CASP10: variants seen among roughly 807,000 people sequenced by gnomAD.
The protein encoded by CASP10 is caspase 10.
CASP10 carries 41 observed loss-of-function variants against 48.5 expected under a neutral mutation model. The observed-to-expected ratio is 0.85, with a 90% CI of 0.66 to 1.10. The LOEUF (loss-of-function observed/expected upper bound fraction) is 1.10. Among genes scored for constraint, CASP10 ranks in the 50% least tolerant of loss-of-function variants. The pLI is 0.00. For synonymous variants in CASP10, 232 were observed against 238.4 expected, an observed-to-expected ratio of 0.97 and a Z score of 0.25; for missense variants, 614 against 614.5, an observed-to-expected ratio of 1.00 and a Z score of 0.01.
intron 3 of CASP10, 86 bp downstream of exon 3, chr2:201,187,885 T>A: frequency 1.0e-6 from 1 of 965,882 alleles, no homozygotes; most frequent in Non-Finnish European, 1.7e-6. Flanking sequence ...TTAGGGAGAT[T>A]TATTTTTTAT....
intron 9 of CASP10, among the ~76,000 whole-genome samples, chr2:201,215,211 GTTTTTTTTTT>G (rs10616229): frequency 3.0e-4 from 9 of 29,914 alleles, no homozygotes; most frequent in African/African-American, 9.0e-4. Flanking sequence ...TCTTCCCTCG[GTTTTTTTTTT>G]TTTTTTTTTT....
intron 5 of CASP10, chr2:201,200,437 C>T: frequency 1.3e-6 from 2 of 1,598,014 alleles, no homozygotes; most frequent in African/African-American, 1.3e-5. Context: ...CCTCCTTTCT[C>T]CCCAGGAAGG....
At position 201,185,631 on chromosome 2, in the gene CASP10, G is replaced by A. The variant is rs372378041; in HGVS notation, c.-7-140G>A. ...TGTTGCTTTTTGAAGTAGCCTCGCC[G>A]TAATTTTTATTTTTCAGCACTTCTA... On this transcript the variant is annotated intron_variant, in intron 1 of 9. Transcript: ENST00000286186. 223 of 677,756 alleles carry A rather than the reference G, an allele frequency of 3.3e-4. 2 individuals carry two copies. Among genetic ancestry groups the A allele is most frequent in the South Asian group, 3.0e-3 (178 of 59,230 alleles). The allele number at this position is 677,756 out of a possible 1,614,324, so 42.0% of individuals were successfully genotyped here.
rs1945681427 is a variant in CASP10, at chr2:201,219,999, AAC to A, written c.*2260_*2261del. 1.1e-5 allele frequency: 11 copies of A among 985,340 alleles called. No individual in the cohort carries two copies. The highest frequency in any genetic ancestry group is 1.7e-5 in the African/African-American group (1 of 57,246). 61.0% of individuals were successfully genotyped at this position (985,340 alleles called of 1,614,324 possible). Reference sequence around the variant, plus strand: ...CATAAAAAAATGTCAAGGAATGAAGAACAACAACTCTCAGTGGTGCCTGCATT... The same window carrying A: ...CATAAAAAAATGTCAAGGAATGAAGAAACAACTCTCAGTGGTGCCTGCATT... On this transcript the variant is annotated 3_prime_UTR_variant, in exon 10 of 10. Transcript: ENST00000286186.
intron 4 of CASP10, 107 bp downstream of exon 4, chr2:201,193,226 C>CCTCAAA: frequency 8.5e-7 from 1 of 1,178,710 alleles, no homozygotes; most frequent in Non-Finnish European, 1.2e-6. Flanking sequence ...TGTTTTGAGG[C>CCTCAAA]AGAGTCTCAC....
chr2:201,218,094 T>C lies in CASP10; in HGVS notation c.*353T>C, dbSNP rs535718566. 1.3e-6 allele frequency: 1 copy of C among 762,978 alleles called. No homozygotes were observed. The highest frequency in any genetic ancestry group is 7.5e-5 in the East Asian group (1 of 13,252). The allele number at this position is 762,978 out of a possible 1,614,324, so 47.3% of individuals were successfully genotyped here. ...GTGCCCGGATTTTTTTTATTCTTTA[T>C]TTTTTGTAGAGATGGAGGGATCTCA... is the stretch of plus-strand genomic sequence containing the variant. On this transcript the variant is annotated 3_prime_UTR_variant, in exon 10 of 10. Transcript: ENST00000286186.
Position 201,220,728 on chromosome 2 carries a change from T to G in CASP10, c.*2987T>G, listed in dbSNP as rs778352353. ...ACCTTTCATGTTTCTTTCCTCTTTC[T>G]TTAATTCTTACACATGTGTCAGGAT... On this transcript the variant is annotated 3_prime_UTR_variant, in exon 10 of 10. Transcript: ENST00000286186. The G allele has an allele frequency of 1.2e-5, 12 of 985,096 alleles. No homozygotes were observed. Among genetic ancestry groups the G allele is most frequent in the Non-Finnish European group, 1.4e-5 (12 of 829,584 alleles). 61.0% of individuals were successfully genotyped at this position (985,096 alleles called of 1,614,324 possible).
chr2:201,187,620 A>G, intron 2 of CASP10, 86 bp from the exon 3 acceptor site: 2 of 973,386 alleles, frequency 2.1e-6, no homozygotes, highest in Non-Finnish European at 3.4e-6. Flanking sequence ...TTCAAATGAC[A>G]GAAAACATTT....
intron 9 of CASP10, among the ~76,000 whole-genome samples, chr2:201,211,241 A>G (rs1338945263): frequency 6.6e-6 from 1 of 152,226 alleles, no homozygotes; most frequent in Non-Finnish European, 1.5e-5. Context: ...CCTTGTAAGT[A>G]GCTAGGATTA....
chr2:201,224,667 T>A (rs1945766326), downstream of CASP10, among the ~76,000 whole-genome samples: 2 of 152,212 alleles, frequency 1.3e-5, no homozygotes, highest in East Asian at 3.8e-4. Context: ...CATGTCTCAG[T>A]AGGTCTCATT....
intron 4 of CASP10, 45 bp from the exon 5 acceptor site, chr2:201,195,797 G>A (rs1019844008): frequency 6.9e-7 from 1 of 1,458,738 alleles, no homozygotes; most frequent in Admixed American, 1.7e-5. Context: ...CCTGCTGCTA[G>A]TCAGAAGGTG....
intron 9 of CASP10, among the ~76,000 whole-genome samples, chr2:201,210,607 A>G (rs1178082301): frequency 6.6e-6 from 1 of 152,168 alleles, no homozygotes; most frequent in Non-Finnish European, 1.5e-5. Flanking sequence ...TGGAACCTTG[A>G]GTCAACTTTG....
chr2:201,200,466 TGAA>T, intron 5 of CASP10: 1 of 1,598,386 alleles, frequency 6.3e-7, no homozygotes, highest in Non-Finnish European at 8.5e-7. Context: ...TTTTTTTAAA[TGAA>T]GGAGACCGTG....
chr2:201,213,823 C>T (rs573416629), intron 9 of CASP10: 1 of 152,252 alleles, frequency 6.6e-6, no homozygotes, highest in Non-Finnish European at 1.5e-5. Context: ...GACTTTAGAT[C>T]AGTTTGTCGT....
At chr2:201,188,606 T>C (rs888289023) in intron 3 of CASP10, among the ~76,000 whole-genome samples, 1 of 152,202 alleles carries the variant, frequency 6.6e-6, no homozygotes, top group African/African-American at 2.4e-5. Flanking sequence ...CTGTGGAGTT[T>C]CTCACAGGCT....
chr2:201,186,165 C>A, intron 2 of CASP10, 41 bp downstream of exon 2: 1 of 1,445,474 alleles, frequency 6.9e-7, no homozygotes, highest in Non-Finnish European at 9.7e-7. Flanking sequence ...GATCTCCCAT[C>A]TAGTGTTCAT....
rs562831383 is a variant in CASP10, at chr2:201,219,135, C to T, written c.*1394C>T. The T allele has an allele frequency of 5.2e-5, 14 of 270,318 alleles. No homozygotes were observed. The East Asian group carries it at 1.8e-3, about 34-fold the overall frequency. The allele number at this position is 270,318 out of a possible 1,614,324, so 16.7% of individuals were successfully genotyped here. On this transcript the variant is annotated 3_prime_UTR_variant, in exon 10 of 10. Transcript: ENST00000286186. The stretch of plus-strand genomic sequence containing the variant: ...AAACACAAAAATTAGCCAGGTGTGG[C>T]GGCGAGCACCTGTAATCCCAGCTAC...
rs1018072875 is a variant in CASP10 at position 201,219,658 on chromosome 2, C to G, written c.*1917C>G. 16 of 983,076 alleles carry G rather than the reference C, an allele frequency of 1.6e-5. No homozygotes were observed. The highest frequency in any genetic ancestry group is 1.9e-5 in the Non-Finnish European group (16 of 829,676). 60.9% of individuals were successfully genotyped at this position (983,076 alleles called of 1,614,324 possible). Reference sequence around the variant, plus strand: ...GAAGGGAGTGGCTCTGTAAGGACGCCTTGATGCTTTCTTCATTAAGATTTT... The same window carrying G: ...GAAGGGAGTGGCTCTGTAAGGACGCGTTGATGCTTTCTTCATTAAGATTTT... On this transcript the variant is annotated 3_prime_UTR_variant, in exon 10 of 10. Transcript: ENST00000286186.
chr2:201,190,849 AATTATTATT>A (rs574770979), intron 3 of CASP10, among the ~76,000 whole-genome samples: 1 of 150,032 alleles, frequency 6.7e-6, no homozygotes, highest in Non-Finnish European at 1.5e-5. Context: ...GTGGCTACAG[AATTATTATT>A]ATTATTATTA....
Sources: gnomAD v4.1 joint callset for allele counts (sites outside exome capture counted in the v4.1 genomes callset) on GRCh38, gnomAD v4.1.1 for gene constraint, MANE v1.5 for transcripts, NCBI Gene and HGNC (gene_info 2026-07-23, HGNC 2026-07-21) for gene names.